The following VPS13B variants were observed in gnomAD, a reference collection of about 807,000 sequenced individuals.
The protein encoded by VPS13B is vacuolar protein sorting 13 homolog B, also known as intermembrane lipid transfer protein VPS13B.
A neutral mutation model predicts 426.4 loss-of-function variants in VPS13B; 285 were observed. The ratio of observed to expected loss-of-function variants is 0.67; its 90% CI spans 0.61 to 0.74. VPS13B has a LOEUF of 0.74. Among genes scored for constraint, VPS13B ranks in the 30% least tolerant of loss-of-function variants. The pLI is 0.00. For synonymous variants in VPS13B, 1,676 were observed against 1,676.4 expected, an observed-to-expected ratio of 1.00 and a Z score of 0.01; for missense variants, 4,537 against 4,782.6, an observed-to-expected ratio of 0.95 and a Z score of 1.51.
At chr8:99,626,135 A>G (rs113745030) in intron 33 of VPS13B, among the ~76,000 whole-genome samples, 224 of 152,348 alleles carry the variant, frequency 1.5e-3, no homozygotes, top group African/African-American at 5.0e-3. Context: ...GTCCAACACA[A>G]TAACTTGTAC....
intron 2 of VPS13B, among the ~76,000 whole-genome samples, chr8:99,024,260 G>A (rs1464703078): frequency 2.0e-5 from 3 of 152,216 alleles, no homozygotes; most frequent in African/African-American, 2.4e-5. Context: ...CTCTTTGTGC[G>A]TGTGTGTGAG....
At chr8:99,232,155 G>T (rs1270984604) in intron 17 of VPS13B, among the ~76,000 whole-genome samples, 1 of 152,032 alleles carries the variant, frequency 6.6e-6, no homozygotes, top group Non-Finnish European at 1.5e-5. Context: ...GAGATGGAGG[G>T]ATGAGGGAAT....
chr8:99,588,726 G>C (rs1178141220), intron 33 of VPS13B, among the ~76,000 whole-genome samples: 1 of 151,570 alleles, frequency 6.6e-6, no homozygotes, highest in Non-Finnish European at 1.5e-5. Flanking sequence ...GAGACGATGG[G>C]GTTTTCTAAA....
intron 43 of VPS13B, among the ~76,000 whole-genome samples, chr8:99,785,737 G>T (rs573661934): frequency 1.2e-4 from 18 of 151,828 alleles, no homozygotes; most frequent in Non-Finnish European, 2.1e-4. Flanking sequence ...GAGCATACAG[G>T]TATACTGACA....
chr8:99,678,397 T>C (rs1241115647), intron 35 of VPS13B, among the ~76,000 whole-genome samples: 1 of 152,182 alleles, frequency 6.6e-6, no homozygotes, highest in Non-Finnish European at 1.5e-5. Flanking sequence ...TACTCAATAA[T>C]GCTGTCTTCT....
chr8:99,143,003 G>C lies in VPS13B; in HGVS notation c.1681G>C (p.Gly561Arg), dbSNP rs759370868. 1 of 1,613,390 alleles carries C rather than the reference G, an allele frequency of 6.2e-7. No individual in the cohort carries two copies. Among genetic ancestry groups the C allele is most frequent in the South Asian group, 1.1e-5 (1 of 90,786 alleles). Residue 561 changes from glycine to arginine, a missense_variant, in exon 13 of 62, where the codon GGG becomes CGG. Physicochemically the swap from Gly to Arg is moderately radical, Grantham distance 125 (BLOSUM62 -2). Coordinates refer to ENST00000357162, the MANE Select transcript of VPS13B (RefSeq NM_152564.5). The stretch of plus-strand genomic sequence containing the variant: ...CACAAATCAACAAGACTTTTCTTCA[G>C]GGAAAAGTGAAGATTTGGGAACAGT... Reference protein sequence around the residue: ...GSTNQQDFSSGKSEDLGTVQE... With the variant: ...GSTNQQDFSSRKSEDLGTVQE...
intron 24 of VPS13B, among the ~76,000 whole-genome samples, chr8:99,470,604 GA>G (rs1819349561): frequency 6.6e-6 from 1 of 151,088 alleles, no homozygotes; most frequent in Non-Finnish European, 1.5e-5. Flanking sequence ...ATTTGAAAAA[GA>G]AAGGAAAAAA....
chr8:99,137,742 C>G (rs1810153668), intron 12 of VPS13B, among the ~76,000 whole-genome samples: 1 of 152,074 alleles, frequency 6.6e-6, no homozygotes, highest in African/African-American at 2.4e-5. Context: ...CATTCTTTTC[C>G]ATGGATTTAA....
In VPS13B at chr8:99,595,102, AC is replaced by A. The variant is rs1826935090; in HGVS notation, c.5220+17472del. Among the ~76,000 whole-genome samples, 5 of 152,070 alleles carry A rather than the reference AC, an allele frequency of 3.3e-5. No individual in the cohort carries two copies. In the South Asian group the frequency reaches 1.0e-3, roughly 31 times the overall value. ...CTGTATGGTTAGTGACCCATATATG[AC>A]CCTCTAAAATTGTTAAGAGCTTCAA... On this transcript the variant is annotated intron_variant, in intron 33 of 61. Coordinates refer to ENST00000357162, the MANE Select transcript of VPS13B (RefSeq NM_152564.5).
At chr8:99,729,742 C>A (rs1833511595) in intron 39 of VPS13B, among the ~76,000 whole-genome samples, 1 of 152,168 alleles carries the variant, frequency 6.6e-6, no homozygotes, top group Non-Finnish European at 1.5e-5. Flanking sequence ...TTATCTACTA[C>A]TTGTCCACAG....
chr8:99,388,115 A>G (rs1048281133), intron 20 of VPS13B, among the ~76,000 whole-genome samples: 7 of 152,176 alleles, frequency 4.6e-5, no homozygotes, highest in African/African-American at 1.7e-4. Context: ...TGCAAAAGCA[A>G]TTTCCCAATG....
At position 99,556,449 on chromosome 8, in the gene VPS13B, G is replaced by T. The variant is rs768342041; in HGVS notation, c.4746-1G>T. Reference sequence around the variant, plus strand: ...TTTTGTTTTTTTCGCTGCCTTTACAGGAGAGCCTTGAACTTAGGAATTCTT... The same window carrying T: ...TTTTGTTTTTTTCGCTGCCTTTACATGAGAGCCTTGAACTTAGGAATTCTT... On this transcript the variant is annotated splice_acceptor_variant, in intron 30 of 61. Coordinates refer to ENST00000357162, the MANE Select transcript of VPS13B (RefSeq NM_152564.5). LOFTEE classifies it high-confidence loss of function. 2.5e-6 allele frequency: 4 copies of T among 1,612,256 alleles called. No homozygotes were observed. The highest frequency in any genetic ancestry group is 3.4e-6 in the Non-Finnish European group (4 of 1,179,330).
intron 3 of VPS13B, among the ~76,000 whole-genome samples, chr8:99,089,342 T>C (rs1428121478): frequency 1.3e-5 from 2 of 152,120 alleles, no homozygotes; most frequent in East Asian, 1.9e-4. Flanking sequence ...CCAAAAAGCA[T>C]TTGAGACAAG....
At chr8:99,308,232 A>T (rs913358102) in intron 19 of VPS13B, among the ~76,000 whole-genome samples, 1 of 151,654 alleles carries the variant, frequency 6.6e-6, no homozygotes, top group East Asian at 1.9e-4. Flanking sequence ...CACAACGTGC[A>T]GGTTAGTTAC....
At chr8:99,158,092 G>C (rs1163142946) in intron 15 of VPS13B, among the ~76,000 whole-genome samples, 4 of 152,208 alleles carry the variant, frequency 2.6e-5, no homozygotes, top group African/African-American at 7.2e-5. Flanking sequence ...ATAGAAACTA[G>C]AGCAGGTTAT....
At chr8:99,591,217 C>T (rs1191787002) in intron 33 of VPS13B, among the ~76,000 whole-genome samples, 3 of 133,116 alleles carry the variant, frequency 2.3e-5, no homozygotes, top group Admixed American at 8.5e-5. Flanking sequence ...CTTCCTCCAT[C>T]CCTTTATTTT....
intron 54 of VPS13B, among the ~76,000 whole-genome samples, chr8:99,846,043 A>G (rs1563505029): frequency 6.6e-6 from 1 of 152,240 alleles, no homozygotes; most frequent in African/African-American, 2.4e-5. Flanking sequence ...ATCCTGCTCT[A>G]TTCCCAGAAG....
chr8:99,536,888 G>C (rs1563782920), intron 30 of VPS13B: 1 of 461,628 alleles, frequency 2.2e-6, no homozygotes, highest in Admixed American at 2.5e-5. Flanking sequence ...AAAAACTAGG[G>C]AAAAAAAGTA....
At chr8:99,818,652 A>G in intron 46 of VPS13B, 61 bp from the exon 47 acceptor site, 1 of 1,608,324 alleles carries the variant, frequency 6.2e-7, no homozygotes, top group South Asian at 1.1e-5. Context: ...TTCAGCATCA[A>G]ACAGCTGGAA....
Sources: gnomAD v4.1 joint callset for allele counts (sites outside exome capture counted in the v4.1 genomes callset) on GRCh38, gnomAD v4.1.1 for gene constraint, MANE v1.5 for transcripts, NCBI Gene and HGNC (gene_info 2026-07-23, HGNC 2026-07-21) for gene names.